Variants in MCF2L observed in about 807,000 individuals in gnomAD.
MCF2L encodes the protein guanine nucleotide exchange factor DBS.
In MCF2L, 97 loss-of-function variants were observed where a neutral mutation model predicts 153.4. That is an observed-to-expected ratio of 0.63 (90% confidence interval 0.54 to 0.75). The LOEUF is 0.75. Ranked by LOEUF, MCF2L falls within the 30% of genes least tolerant of loss-of-function variation. The pLI is 0.00. For missense variants in MCF2L, 1,347 were observed against 1,495.2 expected (o/e 0.90, Z 1.64); for synonymous variants, 659 against 632.2 (o/e 1.04, Z -0.64).
intron 4 of MCF2L, among the ~76,000 whole-genome samples, chr13:113,059,088 A>G (rs2141738804): frequency 6.6e-6 from 1 of 151,914 alleles, no homozygotes; most frequent in East Asian, 1.9e-4. Flanking sequence ...TGGAAAAGGC[A>G]TTGTATAATC....
Position 113,094,631 on chromosome 13 carries a change from A to G in MCF2L, c.3071A>G (p.Lys1024Arg). Reference sequence around the variant, plus strand: ...GAGGACGGCGGGTTGGGCCCCAAGAAGCTGGTAACCACGGCTTCCCTGTGG... The same window carrying G: ...GAGGACGGCGGGTTGGGCCCCAAGAGGCTGGTAACCACGGCTTCCCTGTGG... ...AEEDGGLGPK[K>R]LVPGKYTVVA... The change falls in exon 27 of 30, where the codon AAG (lysine) becomes AGG (arginine). Residue 1024 changes from lysine (K) to arginine (R), a missense_variant. Physicochemically the swap from Lys to Arg is conservative, Grantham distance 26. This residue lies in a region of MCF2L where 383 missense variants were observed against 335.4 expected (regional missense o/e 1.14). Coordinates refer to ENST00000535094, the MANE Select transcript of MCF2L (RefSeq NM_001112732.3). The G allele has an allele frequency of 6.2e-7, 1 of 1,609,956 alleles. No homozygotes were observed. Among genetic ancestry groups the G allele is most frequent in the South Asian group, 1.1e-5 (1 of 90,728 alleles).
chr13:112,965,076 A>C (rs2081875994), upstream of MCF2L: 1 of 152,288 alleles, frequency 6.6e-6, no homozygotes, highest in Admixed American at 6.5e-5. Context: ...GTTTATGTTA[A>C]TGTGAATTCC....
At chr13:113,004,018 AG>A (rs2083533179) in intron 1 of MCF2L, among the ~76,000 whole-genome samples, 1 of 152,228 alleles carries the variant, frequency 6.6e-6, no homozygotes, top group Admixed American at 6.5e-5. Flanking sequence ...TTAATTTTAA[AG>A]GAAAGAATTT....
At position 113,082,555 on chromosome 13, in the gene MCF2L, CCCCGACACAGGCACGCA is replaced by C. The variant is rs775101977; in HGVS notation, c.1991+18_1991+34del. ...ACTTCCACAACAGGTGGGCCCTTCC[CCCCGACACAGGCACGCA>C]CCCGTGATCTCTTGCAGCTAATGGT... On this transcript the variant is annotated intron_variant, in intron 17 of 29. Transcript: ENST00000535094. 26 of 1,557,728 alleles carry C rather than the reference CCCCGACACAGGCACGCA, an allele frequency of 1.7e-5. No homozygotes were observed. The South Asian group carries it at 2.8e-4, about 17-fold the overall frequency.
intron 1 of MCF2L, among the ~76,000 whole-genome samples, chr13:113,007,426 C>T (rs1234661846): frequency 6.6e-6 from 1 of 152,236 alleles, no homozygotes; most frequent in Non-Finnish European, 1.5e-5. Flanking sequence ...CACCTTGAGA[C>T]CCCTGCGTTG....
rs777818682 is a variant in MCF2L at position 113,014,829 on chromosome 13, G to A, written c.146G>A (p.Arg49His). The A allele has an allele frequency of 1.1e-5, 17 of 1,613,910 alleles. No individual in the cohort carries two copies. The highest frequency in any genetic ancestry group is 1.6e-4 in the Middle Eastern group (1 of 6,084). Residue 49 changes from arginine to histidine, a missense_variant, in exon 2 of 30, where the codon CGC (arginine) becomes CAC (histidine). This residue lies in a region of MCF2L where 820 missense variants were observed against 921.2 expected (regional missense o/e 0.89). Coordinates refer to ENST00000535094, the MANE Select transcript of MCF2L (RefSeq NM_001112732.3). ...GACATCCAGGACCAGCTAAAGAAGC[G>A]CTTTGCTTACCTGTCCGGTGAGTTC... The part of the protein sequence containing the change: ...AADIQDQLKK[R>H]FAYLSGGRGQ...
chr13:113,094,641 C>T lies in MCF2L; in HGVS notation c.3075+6C>T, dbSNP rs1222643362. 3.7e-6 allele frequency: 6 copies of T among 1,606,708 alleles called. No individual in the cohort carries two copies. The highest frequency in any genetic ancestry group is 5.1e-6 in the Non-Finnish European group (6 of 1,177,488). On this transcript the variant is annotated splice_donor_region_variant and intron_variant, in intron 27 of 29. Coordinates refer to ENST00000535094, the MANE Select transcript of MCF2L (RefSeq NM_001112732.3). ...GGTTGGGCCCCAAGAAGCTGGTAACCACGGCTTCCCTGTGGGCACTTGGGG... is the reference window on the plus strand; with the variant it reads ...GGTTGGGCCCCAAGAAGCTGGTAACTACGGCTTCCCTGTGGGCACTTGGGG...
At chr13:113,055,558 G>A (rs1022084046) in intron 4 of MCF2L, among the ~76,000 whole-genome samples, 1 of 152,142 alleles carries the variant, frequency 6.6e-6, no homozygotes, top group African/African-American at 2.4e-5. Flanking sequence ...AAAAAGACTG[G>A]TTTTCCGTAA....
At chr13:112,921,983 G>T (rs2081357429) in intron 2 of MCF2L, among the ~76,000 whole-genome samples, 1 of 152,112 alleles carries the variant, frequency 6.6e-6, no homozygotes, top group African/African-American at 2.4e-5. Flanking sequence ...GATAAAAGCA[G>T]AAAATAAGGA....
chr13:113,029,821 G>A (rs540331932), intron 3 of MCF2L, among the ~76,000 whole-genome samples: 4 of 152,338 alleles, frequency 2.6e-5, no homozygotes, highest in East Asian at 1.9e-4. Flanking sequence ...CAGCTGCACA[G>A]CCAGCACATT....
Position 112,907,119 on chromosome 13 carries a change from G to A in MCF2L, c.169+4748G>A, listed in dbSNP as rs1317279358. On this transcript the variant is annotated intron_variant, in intron 2 of 29. Coordinates refer to the MCF2L transcript ENST00000375608. This position sits in a 1 kb window ranked among gnomAD's most constrained non-coding sequence, Gnocchi z 5.1. Reference sequence around the variant, plus strand: ...CCTAATACTTCCATGCTTTATGGTAGGAGATTACACAGGATTCTGAGGGGG... The same window carrying A: ...CCTAATACTTCCATGCTTTATGGTAAGAGATTACACAGGATTCTGAGGGGG... 6.6e-6 allele frequency among the ~76,000 whole-genome samples: 1 copy of A among 152,146 alleles called. No homozygotes were observed. Among genetic ancestry groups the A allele is most frequent in the Non-Finnish European group, 1.5e-5 (1 of 68,038 alleles).
chr13:113,089,715 C>A lies in MCF2L; in HGVS notation c.2940C>A (p.Pro980=), dbSNP rs202200419. 5 of 1,613,592 alleles carry A rather than the reference C, an allele frequency of 3.1e-6. No homozygotes were observed. Among genetic ancestry groups the A allele is most frequent in the Non-Finnish European group, 4.2e-6 (5 of 1,179,944 alleles). The change falls in exon 26 of 30, where the codon CCC becomes CCA. Residue 980 remains proline (P), a synonymous_variant. Coordinates refer to ENST00000535094, the MANE Select transcript of MCF2L (RefSeq NM_001112732.3). ...GCTCAGCGCCACTGACAAAGCCCCC[C>A]GAAAAGGGCAAAGGTGGGTATGTGC... is the stretch of plus-strand genomic sequence containing the variant. ...YVSSAPLTKP[P]EKGKGWSKTS... is the part of the protein sequence containing the mutation.
upstream of MCF2L, chr13:112,969,197 GC>G: frequency 5.0e-6 from 5 of 1,002,728 alleles, no homozygotes; most frequent in Non-Finnish European, 5.0e-6. The surrounding 1 kb of genome is among the most constrained non-coding windows in gnomAD (Gnocchi z 4.8). Flanking sequence ...CGCAGCGCGC[GC>G]CCCCCTCCCG....
intron 12 of MCF2L, 77 bp from the exon 13 acceptor site, chr13:113,076,975 A>C: frequency 6.7e-7 from 1 of 1,485,278 alleles, no homozygotes. Context: ...GTGCCCCGGC[A>C]CGTTCTGCGC....
At chr13:112,966,799 A>G (rs1269442253), upstream of MCF2L, among the ~76,000 whole-genome samples, 1 of 152,216 alleles carries the variant, frequency 6.6e-6, no homozygotes, top group Non-Finnish European at 1.5e-5. This position sits in a 1 kb window ranked among gnomAD's most constrained non-coding sequence, Gnocchi z 4.1. Flanking sequence ...TTAAGATGCA[A>G]CAGATTTCAG....
chr13:113,052,804 CAT>C (rs2087444820), intron 4 of MCF2L: 1 of 150,678 alleles, frequency 6.6e-6, no homozygotes, highest in Non-Finnish European at 1.5e-5. Context: ...TAGACACAGA[CAT>C]GTACACACAT....
At chr13:113,023,671 A>C (rs556862124) in intron 2 of MCF2L, among the ~76,000 whole-genome samples, 1 of 152,330 alleles carries the variant, frequency 6.6e-6, no homozygotes, top group Non-Finnish European at 1.5e-5. Flanking sequence ...TTACAGATTT[A>C]TTCTTCATTT....
At chr13:113,044,654 C>A in intron 3 of MCF2L, 1 of 1,611,046 alleles carries the variant, frequency 6.2e-7, no homozygotes, top group Non-Finnish European at 8.5e-7. Context: ...GTGACTCAGG[C>A]TTCTACTACC....
At chr13:113,071,061 G>T (rs2032867220) in intron 9 of MCF2L, among the ~76,000 whole-genome samples, 1 of 152,176 alleles carries the variant, frequency 6.6e-6, no homozygotes, top group African/African-American at 2.4e-5. Flanking sequence ...ACGTGGTGGG[G>T]TAGTGATTCT....
Sources: allele counts gnomAD v4.1 joint callset (sites outside exome capture counted in the v4.1 genomes callset), GRCh38; gene constraint gnomAD v4.1.1; regional missense constraint gnomAD v4.1.1; non-coding constraint Gnocchi (gnomAD v3.1); transcripts MANE v1.5; gene names NCBI Gene and HGNC (gene_info 2026-07-23, HGNC 2026-07-21).